The following ATP6V1H variants were observed in gnomAD, a reference collection of about 807,000 sequenced individuals.
ATP6V1H encodes V-type proton ATPase subunit H.
Under a neutral mutation model 71.7 loss-of-function variants are expected in ATP6V1H, and 39 were observed. That is an observed-to-expected ratio of 0.54 (90% CI 0.42 to 0.71). The LOEUF is 0.71. Among genes scored for constraint, ATP6V1H ranks in the 30% least tolerant of loss-of-function variants. The pLI, the probability that ATP6V1H is intolerant of heterozygous loss-of-function variation, is 0.00. For missense variants in ATP6V1H, 509 were observed against 594.9 expected (o/e 0.86, Z 1.50); for synonymous variants, 192 against 199.3 (o/e 0.96, Z 0.31).
At chr8:53,764,924 T>C (rs1808398455) in intron 11 of ATP6V1H, among the ~76,000 whole-genome samples, 1 of 151,898 alleles carries the variant, frequency 6.6e-6, no homozygotes. Flanking sequence ...CAGAGTGACA[T>C]CCCATCTCCA....
chr8:53,815,444 T>G (rs1414501503), intron 5 of ATP6V1H, among the ~76,000 whole-genome samples: 2 of 152,200 alleles, frequency 1.3e-5, no homozygotes, highest in African/African-American at 4.8e-5. Flanking sequence ...TTCATCCCAG[T>G]AGAGAATGAA....
chr8:53,824,782 T>C (rs940933895), intron 4 of ATP6V1H, among the ~76,000 whole-genome samples: 1 of 151,774 alleles, frequency 6.6e-6, no homozygotes, highest in African/African-American at 2.4e-5. Context: ...CCCATAAGAA[T>C]TGAAAAAGAA....
At chr8:53,774,385 G>C (rs1808788905) in intron 9 of ATP6V1H, among the ~76,000 whole-genome samples, 1 of 152,194 alleles carries the variant, frequency 6.6e-6, no homozygotes, top group Non-Finnish European at 1.5e-5. Context: ...ATTCATTTCA[G>C]AGAGAGAGGA....
chr8:53,814,833 A>C, intron 5 of ATP6V1H, 67 bp from the exon 6 acceptor site: 1 of 1,095,690 alleles, frequency 9.1e-7, no homozygotes, highest in Non-Finnish European at 1.3e-6. Flanking sequence ...ATACCTTAAA[A>C]AAAGGATTTG....
At chr8:53,748,180 G>A (rs997984534) in intron 12 of ATP6V1H, among the ~76,000 whole-genome samples, 5 of 151,954 alleles carry the variant, frequency 3.3e-5, no homozygotes, top group Non-Finnish European at 7.4e-5. Flanking sequence ...AAAAGTGGTG[G>A]GAGAGACAGC....
In ATP6V1H at chr8:53,831,525, A is replaced by G. The variant is rs368918141; in HGVS notation, c.216+1459T>C. ...GATATGGATACAAAAGGTGCCAAAAACCATCTGAAAATGTGTAACACTATT... is the reference window on the plus strand; with the variant it reads ...GATATGGATACAAAAGGTGCCAAAAGCCATCTGAAAATGTGTAACACTATT... On this transcript the variant is annotated intron_variant, in intron 3 of 13. Coordinates refer to ENST00000359530, the MANE Select transcript of ATP6V1H (RefSeq NM_015941.4). 2.6e-5 allele frequency among the ~76,000 whole-genome samples: 4 copies of G among 152,310 alleles called. No homozygotes were observed. In the East Asian group the frequency reaches 7.7e-4, roughly 29 times the overall value.
chr8:53,806,156 C>T (rs1371514313), intron 7 of ATP6V1H, among the ~76,000 whole-genome samples: 1 of 151,966 alleles, frequency 6.6e-6, no homozygotes, highest in Non-Finnish European at 1.5e-5. Flanking sequence ...GAACAAGAAT[C>T]AGAAGTTTTG....
chr8:53,789,105 G>A (rs1269096898), intron 9 of ATP6V1H, among the ~76,000 whole-genome samples: 1 of 152,214 alleles, frequency 6.6e-6, no homozygotes. Flanking sequence ...ATAAATACAA[G>A]AGGAAGAATG....
At chr8:53,794,405 G>A (rs530645850) in intron 9 of ATP6V1H, among the ~76,000 whole-genome samples, 98 of 151,848 alleles carry the variant, frequency 6.5e-4, no homozygotes, top group African/African-American at 1.9e-3. Flanking sequence ...TCACTCTGTC[G>A]CCCAGGCTGG....
At chr8:53,823,930 C>T (rs1252654230) in intron 4 of ATP6V1H, among the ~76,000 whole-genome samples, 1 of 147,926 alleles carries the variant, frequency 6.8e-6, no homozygotes, top group Non-Finnish European at 1.5e-5. Context: ...AACTATAGAT[C>T]AATTAATATG....
At chr8:53,796,407 G>A (rs1809739634) in intron 8 of ATP6V1H, among the ~76,000 whole-genome samples, 1 of 152,020 alleles carries the variant, frequency 6.6e-6, no homozygotes, top group South Asian at 2.1e-4. Flanking sequence ...ACATGGACAT[G>A]AAGGAGGTTA....
Position 53,786,265 on chromosome 8 carries a change from C to T in ATP6V1H, c.870+9382G>A, listed in dbSNP as rs908413601. ...GGCACCCCTCCCCCAGCCTCGCTGC[C>T]GCCTTGCAGTTTGATCTCAGACTGC... On this transcript the variant is annotated intron_variant, in intron 9 of 13. Coordinates refer to ENST00000359530, the MANE Select transcript of ATP6V1H (RefSeq NM_015941.4). Among the ~76,000 whole-genome samples, 8 of 152,204 alleles carry T rather than the reference C, an allele frequency of 5.3e-5. No individual in the cohort carries two copies. In the South Asian group the frequency reaches 1.2e-3, roughly 24 times the overall value.
At chr8:53,747,532 TTTTTTTTCC>T (rs1392650472) in intron 12 of ATP6V1H, among the ~76,000 whole-genome samples, 11 of 150,596 alleles carry the variant, frequency 7.3e-5, no homozygotes, top group African/African-American at 2.2e-4. Flanking sequence ...AGCTCTTTTT[TTTTTTTTCC>T]TTTTTTTTCC....
intron 3 of ATP6V1H, among the ~76,000 whole-genome samples, chr8:53,830,819 A>G (rs560314279): frequency 6.6e-6 from 1 of 152,360 alleles, no homozygotes; most frequent in East Asian, 1.9e-4. Context: ...ACACATCCCC[A>G]GTCTCACCAG....
chr8:53,751,845 T>C (rs2130230052), intron 12 of ATP6V1H, among the ~76,000 whole-genome samples: 1 of 152,202 alleles, frequency 6.6e-6, no homozygotes, highest in Non-Finnish European at 1.5e-5. Context: ...AATTTTTGTA[T>C]TTTTAGTAGA....
intron 11 of ATP6V1H, among the ~76,000 whole-genome samples, chr8:53,765,500 CAA>C (rs1808428043): frequency 8.0e-6 from 1 of 124,782 alleles, no homozygotes; most frequent in South Asian, 2.7e-4. Context: ...CACACACACA[CAA>C]GACCATCAGC....
At chr8:53,727,770 C>T (rs754873646) in intron 13 of ATP6V1H, among the ~76,000 whole-genome samples, 16 of 152,174 alleles carry the variant, frequency 1.1e-4, no homozygotes, top group African/African-American at 3.1e-4. Flanking sequence ...TTGGCTAGAA[C>T]GCAGAAACAT....
intron 12 of ATP6V1H, among the ~76,000 whole-genome samples, chr8:53,748,703 G>GA (rs1338206319): frequency 1.3e-5 from 2 of 152,120 alleles, no homozygotes; most frequent in Non-Finnish European, 2.9e-5. Context: ...TATGCATGGG[G>GA]AAAAAACTAA....
At chr8:53,767,076 G>C (rs1044195857) in intron 11 of ATP6V1H, among the ~76,000 whole-genome samples, 1 of 152,174 alleles carries the variant, frequency 6.6e-6, no homozygotes, top group African/African-American at 2.4e-5. Context: ...TGTCTTCCCC[G>C]GATGCCCAGC....
Sources: allele counts gnomAD v4.1 joint callset (sites outside exome capture counted in the v4.1 genomes callset), GRCh38; gene constraint gnomAD v4.1.1; transcripts MANE v1.5; gene names NCBI Gene and HGNC (gene_info 2026-07-23, HGNC 2026-07-21).